The following ZBBX variants were observed in gnomAD, a reference collection of about 807,000 sequenced individuals.
ZBBX encodes the protein zinc finger B-box domain-containing protein 1.
Under a neutral mutation model 108.5 loss-of-function variants are expected in ZBBX, and 101 were observed. That is an observed-to-expected ratio of 0.93 (90% confidence interval 0.79 to 1.10). The LOEUF is 1.10. Ranked by LOEUF, ZBBX falls within the 50% of genes least tolerant of loss-of-function variation. The pLI is 0.00. For missense variants in ZBBX, 1,009 were observed against 941.4 expected (o/e 1.07, Z -0.94); for synonymous variants, 356 against 323.4 (o/e 1.10, Z -1.08).
intron 9 of ZBBX, among the ~76,000 whole-genome samples, chr3:167,350,089 T>C (rs572365601): frequency 2.0e-5 from 3 of 151,974 alleles, no homozygotes; most frequent in Non-Finnish European, 4.4e-5. Context: ...ATAGAAATAA[T>C]ATTTAAAATA....
chr3:167,407,462 G>T (rs1042738120), intron 1 of ZBBX, among the ~76,000 whole-genome samples: 8 of 151,884 alleles, frequency 5.3e-5, no homozygotes, highest in Non-Finnish European at 1.0e-4. Context: ...CCAATCCCTC[G>T]CACAGTCAAA....
intron 9 of ZBBX, among the ~76,000 whole-genome samples, chr3:167,337,187 T>C (rs1739693659): frequency 6.6e-6 from 1 of 152,150 alleles, no homozygotes; most frequent in Non-Finnish European, 1.5e-5. Flanking sequence ...AAAGAATCAA[T>C]ATAACTATAG....
At chr3:167,252,290 A>C in intron 20 of ZBBX, 1 of 915,152 alleles carries the variant, frequency 1.1e-6, no homozygotes, top group Non-Finnish European at 1.5e-6. Context: ...ACATATTTAC[A>C]TTTATATAAG....
At chr3:167,365,668 A>T (rs1036816667) in intron 6 of ZBBX, among the ~76,000 whole-genome samples, 3 of 151,826 alleles carry the variant, frequency 2.0e-5, no homozygotes, top group African/African-American at 4.8e-5. Context: ...ATTCACTGCA[A>T]GGTAAAATTT....
intron 20 of ZBBX, chr3:167,248,752 G>C (rs1722042099): frequency 2.3e-6 from 1 of 428,232 alleles, no homozygotes; most frequent in Non-Finnish European, 4.7e-6. Flanking sequence ...CCTCACGGAA[G>C]GAGGCCATGC....
intron 1 of ZBBX, among the ~76,000 whole-genome samples, chr3:167,385,479 A>AT (rs1181033577): frequency 6.6e-6 from 1 of 152,024 alleles, no homozygotes; most frequent in Admixed American, 6.6e-5. Context: ...GCTACCCTAA[A>AT]TTTTTTTTAA....
At chr3:167,279,072 A>G (rs556926765) in intron 20 of ZBBX, among the ~76,000 whole-genome samples, 1 of 150,982 alleles carries the variant, frequency 6.6e-6, no homozygotes, top group Non-Finnish European at 1.5e-5. Context: ...AAAAACTCTC[A>G]ATAAATTAGG....
At chr3:167,386,482 C>A (rs1340648866) in intron 1 of ZBBX, among the ~76,000 whole-genome samples, 3 of 152,002 alleles carry the variant, frequency 2.0e-5, no homozygotes, top group Non-Finnish European at 4.4e-5. Context: ...TGATCTGTAA[C>A]TCTCATAATT....
At chr3:167,254,124 C>T (rs1025103272) in intron 20 of ZBBX, among the ~76,000 whole-genome samples, 3 of 152,124 alleles carry the variant, frequency 2.0e-5, no homozygotes, top group African/African-American at 7.2e-5. Context: ...ATGTGAGCTT[C>T]CTGATTTTGA....
chr3:167,179,010 G>A, the ZBBX span, among the ~76,000 whole-genome samples: 1 of 152,076 alleles, frequency 6.6e-6, no homozygotes, highest in East Asian at 1.9e-4. Flanking sequence ...AACATAGAGA[G>A]AGCTTGGCTA....
At chr3:167,237,163 G>T (rs1720264713), downstream of ZBBX, among the ~76,000 whole-genome samples, 2 of 150,814 alleles carry the variant, frequency 1.3e-5, no homozygotes, top group South Asian at 2.1e-4. Context: ...CACATATAAT[G>T]CCCAGCATTA....
the ZBBX span, among the ~76,000 whole-genome samples, chr3:167,183,808 C>G: frequency 6.6e-6 from 1 of 152,162 alleles, no homozygotes; most frequent in African/African-American, 2.4e-5. Context: ...GGATGGGCAT[C>G]ATAGCCATCA....
At chr3:167,204,488 G>A in the ZBBX span, among the ~76,000 whole-genome samples, 4 of 145,662 alleles carry the variant, frequency 2.7e-5, no homozygotes, top group Non-Finnish European at 6.0e-5. Context: ...GAGAATATGC[G>A]GTGTTTGGTT....
chr3:167,389,266 A>G (rs1748015568), intron 1 of ZBBX, among the ~76,000 whole-genome samples: 1 of 152,024 alleles, frequency 6.6e-6, no homozygotes, highest in South Asian at 2.1e-4. Context: ...GCTGAAAATG[A>G]TGGTTTCCAG....
At chr3:167,300,234 T>C in intron 17 of ZBBX, among the ~76,000 whole-genome samples, 1 of 152,184 alleles carries the variant, frequency 6.6e-6, no homozygotes, top group East Asian at 1.9e-4. Flanking sequence ...TTTAAAATCC[T>C]ATGACAGATT....
chr3:167,375,208 G>A (rs1302261396), intron 2 of ZBBX, among the ~76,000 whole-genome samples: 2 of 152,176 alleles, frequency 1.3e-5, no homozygotes, highest in African/African-American at 2.4e-5. Flanking sequence ...GTTCTTCATC[G>A]TTGTTCCTTT....
the ZBBX span, among the ~76,000 whole-genome samples, chr3:167,209,303 T>C: frequency 6.6e-6 from 1 of 152,060 alleles, no homozygotes; most frequent in Admixed American, 6.5e-5. Flanking sequence ...TGTGCTGGCT[T>C]CTGGCCTGAT....
intron 14 of ZBBX, 117 bp from the exon 15 acceptor site, chr3:167,315,946 G>C: frequency 1.7e-6 from 1 of 580,740 alleles, no homozygotes; most frequent in Non-Finnish European, 3.0e-6. Context: ...TGTTATGAGA[G>C]CTCTAATTAT....
chr3:167,340,441 A>G (rs930813438), intron 9 of ZBBX, among the ~76,000 whole-genome samples: 1 of 152,132 alleles, frequency 6.6e-6, no homozygotes, highest in African/African-American at 2.4e-5. Flanking sequence ...ATAATTTTGA[A>G]CATCTTAATC....
Sources: gnomAD v4.1 joint callset for allele counts (sites outside exome capture counted in the v4.1 genomes callset) on GRCh38, gnomAD v4.1.1 for gene constraint, MANE v1.5 for transcripts, NCBI Gene and HGNC (gene_info 2026-07-23, HGNC 2026-07-21) for gene names.